Variants in GULP1 observed in about 807,000 individuals in gnomAD.
The protein encoded by GULP1 is PTB domain-containing engulfment adapter protein 1.
In GULP1, 19 loss-of-function variants were observed where a neutral mutation model predicts 40.9. That is an observed-to-expected ratio of 0.46 (90% CI 0.32 to 0.68). The LOEUF (loss-of-function observed/expected upper bound fraction) is 0.68. Ranked by LOEUF, GULP1 falls within the 30% of genes least tolerant of loss-of-function variation. GULP1 has a pLI of 0.03. For missense variants in GULP1, 312 were observed against 362.2 expected, an observed-to-expected ratio of 0.86 and a Z score of 1.12; for synonymous variants, 119 against 117.6, an observed-to-expected ratio of 1.01 and a Z score of -0.08.
rs541792061 is a variant in GULP1, at chr2:188,541,120, G to A, written c.262-61G>A. The A allele has an allele frequency of 1.6e-5, 23 of 1,408,214 alleles. No homozygotes were observed. The African/African-American group carries it at 2.8e-4, about 17-fold the overall frequency. The allele number at this position is 1,408,214 out of a possible 1,614,324, so 87.2% of individuals were successfully genotyped here. On this transcript the variant is annotated intron_variant, in intron 6 of 11. Coordinates refer to ENST00000409830, the MANE Select transcript of GULP1 (RefSeq NM_016315.4). ...AGTCACATGTTATTAACACAAACGA[G>A]TATTTCAGAAAATGAAAAAAGAATC...
intron 4 of GULP1, among the ~76,000 whole-genome samples, chr2:188,517,848 A>G (rs1486714092): frequency 6.6e-6 from 1 of 152,046 alleles, no homozygotes; most frequent in Admixed American, 6.6e-5. Flanking sequence ...TCTGCTTAGT[A>G]TCTTTGTCAG....
At chr2:188,434,624 T>C (rs1327984798) in intron 2 of GULP1, among the ~76,000 whole-genome samples, 2 of 151,754 alleles carry the variant, frequency 1.3e-5, no homozygotes, top group African/African-American at 4.8e-5. Flanking sequence ...ATTTTTGTTT[T>C]TTTTATAGTG....
At chr2:188,481,313 T>C (rs1266170102) in intron 3 of GULP1, among the ~76,000 whole-genome samples, 1 of 151,988 alleles carries the variant, frequency 6.6e-6, no homozygotes, top group Non-Finnish European at 1.5e-5. Flanking sequence ...GTCCTATCTA[T>C]AAGTTAATAT....
chr2:188,473,389 G>A (rs1223065234), intron 2 of GULP1, among the ~76,000 whole-genome samples: 1 of 152,152 alleles, frequency 6.6e-6, no homozygotes, highest in African/African-American at 2.4e-5. Flanking sequence ...CAGGCCCCAG[G>A]CAGGTCCAGA....
At chr2:188,425,068 G>T (rs1445037781) in intron 2 of GULP1, among the ~76,000 whole-genome samples, 2 of 151,960 alleles carry the variant, frequency 1.3e-5, no homozygotes, top group Non-Finnish European at 2.9e-5. Flanking sequence ...TTCAGGGATT[G>T]AAAATGGTTG....
intron 4 of GULP1, among the ~76,000 whole-genome samples, chr2:188,514,069 G>GTGTGTGTT (rs1490698729): frequency 1.3e-5 from 2 of 151,182 alleles, no homozygotes; most frequent in African/African-American, 4.9e-5. Context: ...GTGTGTGTGT[G>GTGTGTGTT]TGTGTGTGTG....
chr2:188,400,923 T>TG (rs2052162385), intron 2 of GULP1, among the ~76,000 whole-genome samples: 1 of 139,540 alleles, frequency 7.2e-6, no homozygotes, highest in Non-Finnish European at 1.6e-5. Flanking sequence ...AGTGGTGTGT[T>TG]TGTGTGTGTG....
At chr2:188,480,652 A>C (rs1201445074) in intron 3 of GULP1, among the ~76,000 whole-genome samples, 2 of 151,824 alleles carry the variant, frequency 1.3e-5, no homozygotes, top group Admixed American at 6.6e-5. Context: ...CATAGACGAA[A>C]TTTTAGTGAT....
At chr2:188,347,931 G>A (rs2043914116) in intron 1 of GULP1, among the ~76,000 whole-genome samples, 1 of 152,004 alleles carries the variant, frequency 6.6e-6, no homozygotes. Context: ...AAGCATTTTT[G>A]TTTGTTTTAA....
intron 1 of GULP1, among the ~76,000 whole-genome samples, chr2:188,346,149 TTAC>T (rs2043613693): frequency 2.0e-5 from 3 of 152,210 alleles, no homozygotes; most frequent in African/African-American, 7.2e-5. Context: ...AATTCCTGCC[TTAC>T]AGGCTGTAGT....
intron 2 of GULP1, among the ~76,000 whole-genome samples, chr2:188,454,207 A>G (rs1259482682): frequency 1.3e-5 from 2 of 152,184 alleles, no homozygotes; most frequent in East Asian, 3.9e-4. Flanking sequence ...ATGGCAGAGA[A>G]TAATTTTATT....
At chr2:188,534,848 C>T (rs901308145) in intron 6 of GULP1, among the ~76,000 whole-genome samples, 5 of 152,074 alleles carry the variant, frequency 3.3e-5, no homozygotes, top group Admixed American at 1.3e-4. Context: ...TTCTCCCAAC[C>T]TAAACCTCCT....
At chr2:188,393,752 T>G (rs1464221923) in intron 2 of GULP1, among the ~76,000 whole-genome samples, 1 of 152,142 alleles carries the variant, frequency 6.6e-6, no homozygotes, top group Non-Finnish European at 1.5e-5. Context: ...TAGCATTTCT[T>G]GTAGGGCAGC....
chr2:188,333,761 T>C (rs1193277563), intron 1 of GULP1, among the ~76,000 whole-genome samples: 1 of 152,192 alleles, frequency 6.6e-6, no homozygotes, highest in Non-Finnish European at 1.5e-5. Context: ...TTTTGTTATG[T>C]GCTTTGCCCT....
intron 2 of GULP1, among the ~76,000 whole-genome samples, chr2:188,431,983 T>C (rs545342789): frequency 6.6e-6 from 1 of 151,706 alleles, no homozygotes; most frequent in Admixed American, 6.6e-5. Flanking sequence ...TCTGTCATAA[T>C]TTTTTTAATC....
intron 2 of GULP1, among the ~76,000 whole-genome samples, chr2:188,385,320 C>T (rs1434681953): frequency 6.6e-6 from 1 of 152,152 alleles, no homozygotes; most frequent in Non-Finnish European, 1.5e-5. Context: ...AAAGCAACAG[C>T]CAAGCCATGC....
chr2:188,313,896 C>T (rs761355537), intron 1 of GULP1, among the ~76,000 whole-genome samples: 1 of 151,072 alleles, frequency 6.6e-6, no homozygotes, highest in Non-Finnish European at 1.5e-5. Flanking sequence ...TATAGTTCTC[C>T]TTGAAGAGGT....
At position 188,321,922 on chromosome 2, in the gene GULP1, T is replaced by TACTTGG. The variant is rs1574399880; in HGVS notation, c.-172+29756_-172+29757insACTTGG. On this transcript the variant is annotated intron_variant, in intron 1 of 11. Coordinates refer to ENST00000409830, the MANE Select transcript of GULP1 (RefSeq NM_016315.4). The stretch of plus-strand genomic sequence containing the variant: ...CCCAGCTACTTGGGAGGCTGAGGCA[T>TACTTGG]GAGAATCTCTTGAACCTAGGAGGCG... 3.3e-5 allele frequency among the ~76,000 whole-genome samples: 5 copies of TACTTGG among 152,090 alleles called. No homozygotes were observed. The East Asian group carries it at 9.7e-4, about 29-fold the overall frequency.
chr2:188,303,170 G>T (rs987957816), intron 1 of GULP1, among the ~76,000 whole-genome samples: 9 of 152,098 alleles, frequency 5.9e-5, no homozygotes, highest in African/African-American at 2.2e-4. Flanking sequence ...CCTTTACAAT[G>T]ACTTAGCAGT....
Sources: gnomAD v4.1 joint callset for allele counts (sites outside exome capture counted in the v4.1 genomes callset) on GRCh38, gnomAD v4.1.1 for gene constraint, MANE v1.5 for transcripts, NCBI Gene and HGNC (gene_info 2026-07-23, HGNC 2026-07-21) for gene names.